CCBE1: variants seen among roughly 807,000 people sequenced by gnomAD.
CCBE1 encodes collagen and calcium-binding EGF domain-containing protein 1.
Under a neutral mutation model 50.0 loss-of-function variants are expected in CCBE1, and 37 were observed. The observed-to-expected ratio is 0.74, with a 90% confidence interval of 0.57 to 0.97. CCBE1 has a LOEUF of 0.97. Among genes scored for constraint, CCBE1 ranks in the 50% least tolerant of loss-of-function variants. The pLI is 0.00. For missense variants in CCBE1, 538 were observed against 523.8 expected (o/e 1.03, Z -0.26); for synonymous variants, 234 against 203.7 (o/e 1.15, Z -1.27).
At chr18:59,626,480 G>A (rs1179119221) in intron 2 of CCBE1, among the ~76,000 whole-genome samples, 1 of 152,200 alleles carries the variant, frequency 6.6e-6, no homozygotes, top group African/African-American at 2.4e-5. Flanking sequence ...TGTAGCCCTG[G>A]CACTGATTCC....
intron 7 of CCBE1, among the ~76,000 whole-genome samples, chr18:59,445,581 A>G (rs565311674): frequency 2.0e-5 from 3 of 152,336 alleles, no homozygotes; most frequent in South Asian, 2.1e-4. Flanking sequence ...TCACATTTAG[A>G]TAAGTCTTTT....
At chr18:59,460,949 A>AAATAAATAAAT (rs1327961493) in intron 5 of CCBE1, among the ~76,000 whole-genome samples, 1 of 149,382 alleles carries the variant, frequency 6.7e-6, no homozygotes, top group Non-Finnish European at 1.5e-5. Flanking sequence ...ATAAATAAAT[A>AAATAAATAAAT]AATAAATAAA....
chr18:59,501,681 A>G (rs1407545039), intron 2 of CCBE1, among the ~76,000 whole-genome samples: 3 of 152,188 alleles, frequency 2.0e-5, no homozygotes, highest in African/African-American at 7.2e-5. Flanking sequence ...ATTTTAGGAA[A>G]ACTAAAGATC....
chr18:59,617,605 C>A (rs1018677879), intron 2 of CCBE1, among the ~76,000 whole-genome samples: 2 of 152,208 alleles, frequency 1.3e-5, no homozygotes, highest in Non-Finnish European at 2.9e-5. Context: ...CTGCTTGGGG[C>A]TACTTTTTCA....
chr18:59,595,191 T>G (rs2053333677), intron 2 of CCBE1, among the ~76,000 whole-genome samples: 1 of 150,122 alleles, frequency 6.7e-6, no homozygotes. Flanking sequence ...ACTCCTCCCT[T>G]GCACAGGCCT....
chr18:59,512,105 G>A (rs968980233), intron 2 of CCBE1, among the ~76,000 whole-genome samples: 3 of 152,228 alleles, frequency 2.0e-5, no homozygotes, highest in Admixed American at 2.0e-4. Flanking sequence ...CAGTAGCGGT[G>A]TGATATGGAA....
chr18:59,677,773 G>A (rs192787483), intron 2 of CCBE1, among the ~76,000 whole-genome samples: 1 of 152,092 alleles, frequency 6.6e-6, no homozygotes, highest in South Asian at 2.1e-4. Context: ...TCAATGCTCT[G>A]GGCCAAATGT....
intron 2 of CCBE1, among the ~76,000 whole-genome samples, chr18:59,513,269 CT>C (rs1293403486): frequency 6.6e-6 from 1 of 152,158 alleles, no homozygotes; most frequent in Non-Finnish European, 1.5e-5. Flanking sequence ...GATTGTGCCA[CT>C]GCACTCTAAC....
intron 2 of CCBE1, among the ~76,000 whole-genome samples, chr18:59,547,080 A>AGG (rs1491575459): frequency 9.4e-6 from 1 of 106,636 alleles, no homozygotes; most frequent in Non-Finnish European, 1.9e-5. Flanking sequence ...AGGGGGAGAG[A>AGG]AAGGGAGAGA....
chr18:59,515,552 C>T (rs1914332819), intron 2 of CCBE1, among the ~76,000 whole-genome samples: 1 of 152,204 alleles, frequency 6.6e-6, no homozygotes, highest in African/African-American at 2.4e-5. Context: ...CTTTGAGCAG[C>T]AGTTCACCTG....
chr18:59,590,082 A>G (rs1213154867), intron 2 of CCBE1, among the ~76,000 whole-genome samples: 1 of 152,188 alleles, frequency 6.6e-6, no homozygotes, highest in African/African-American at 2.4e-5. Context: ...GTGAAACGCG[A>G]ATTTCCACTA....
At chr18:59,628,561 C>A (rs541631285) in intron 2 of CCBE1, among the ~76,000 whole-genome samples, 33 of 152,272 alleles carry the variant, frequency 2.2e-4, no homozygotes, top group Non-Finnish European at 4.3e-4. Context: ...CTGTAACCAC[C>A]GCGATGTCCA....
chr18:59,544,169 C>A (rs960804051), intron 2 of CCBE1, among the ~76,000 whole-genome samples: 16 of 152,130 alleles, frequency 1.1e-4, no homozygotes, highest in Non-Finnish European at 2.2e-4. Context: ...CAAAGCACTA[C>A]AGGAATATTT....
chr18:59,680,629 C>G lies in CCBE1; in HGVS notation c.212+16000G>C, dbSNP rs530196024. On this transcript the variant is annotated intron_variant, in intron 2 of 10. Coordinates refer to ENST00000439986, the MANE Select transcript of CCBE1 (RefSeq NM_133459.4). ...AGGAGAATGGCGTGAACCCGGGAGG[C>G]GGAGGTTGCAGTGAGCCGAGATTGC... is the stretch of plus-strand genomic sequence containing the variant. Among the ~76,000 whole-genome samples, 6 of 150,890 alleles carry G rather than the reference C, an allele frequency of 4.0e-5. No homozygotes were observed. In the South Asian group the frequency reaches 8.5e-4, roughly 21 times the overall value.
intron 2 of CCBE1, among the ~76,000 whole-genome samples, chr18:59,514,777 T>C (rs932068580): frequency 2.6e-5 from 4 of 151,918 alleles, no homozygotes; most frequent in African/African-American, 4.8e-5. Context: ...CACTAAAACA[T>C]CAAGGAGAAG....
At chr18:59,603,743 A>AG (rs2053461653) in intron 2 of CCBE1, among the ~76,000 whole-genome samples, 1 of 152,238 alleles carries the variant, frequency 6.6e-6, no homozygotes, top group Admixed American at 6.5e-5. Context: ...TTATTTTAGG[A>AG]GAAACAGTAC....
chr18:59,618,351 G>C (rs1024446222), intron 2 of CCBE1, among the ~76,000 whole-genome samples: 1 of 151,770 alleles, frequency 6.6e-6, no homozygotes, highest in Non-Finnish European at 1.5e-5. Context: ...AAAAAAATGA[G>C]ATGTAAAATG....
intron 2 of CCBE1, among the ~76,000 whole-genome samples, chr18:59,516,240 GT>G (rs71336343): frequency 3.8e-4 from 57 of 148,362 alleles, no homozygotes; most frequent in Non-Finnish European, 5.5e-4. Flanking sequence ...ATTACAGTTT[GT>G]TTTTTTTTTT....
At chr18:59,440,647 A>G (rs1218639726) in intron 7 of CCBE1, among the ~76,000 whole-genome samples, 1 of 152,146 alleles carries the variant, frequency 6.6e-6, no homozygotes, top group Non-Finnish European at 1.5e-5. Flanking sequence ...GCCCCAGAGA[A>G]ATATCCCTTA....
Sources: allele counts gnomAD v4.1 joint callset (sites outside exome capture counted in the v4.1 genomes callset), GRCh38; gene constraint gnomAD v4.1.1; transcripts MANE v1.5; gene names NCBI Gene and HGNC (gene_info 2026-07-23, HGNC 2026-07-21).